Variants in NAV3 observed in about 807,000 individuals in gnomAD.
NAV3 encodes neuron navigator 3, also known as pore membrane and/or filament interacting like protein 1.
A neutral mutation model predicts 244.7 loss-of-function variants in NAV3; 87 were observed. That is an observed-to-expected ratio of 0.36 (90% confidence interval 0.30 to 0.42). NAV3 has a LOEUF of 0.42. Ranked by LOEUF, NAV3 falls within the 20% of genes least tolerant of loss-of-function variation. The probability of loss-of-function intolerance (pLI) is 1.00; values close to 1 mark genes in which losing one functional copy is unlikely to be tolerated. For synonymous variants in NAV3, 1,126 were observed against 1,042.2 expected (o/e 1.08, Z -1.55); for missense variants, 2,663 against 2,893.3 (o/e 0.92, Z 1.83).
intron 2 of NAV3, among the ~76,000 whole-genome samples, chr12:77,642,970 G>T (rs1227351011): frequency 6.6e-6 from 1 of 151,904 alleles, no homozygotes; most frequent in South Asian, 2.1e-4. Context: ...ATAACCTCTT[G>T]TAATTTTTCC....
At chr12:77,788,720 C>T (rs1871025792) in intron 2 of NAV3, among the ~76,000 whole-genome samples, 1 of 151,402 alleles carries the variant, frequency 6.6e-6, no homozygotes, top group African/African-American at 2.4e-5. Context: ...AGATTCCAGG[C>T]ATGAGTACTG....
chr12:78,209,873 T>A (rs1482131026), intron 39 of NAV3, among the ~76,000 whole-genome samples: 1 of 152,226 alleles, frequency 6.6e-6, no homozygotes, highest in Non-Finnish European at 1.5e-5. Context: ...CTTCATTCAG[T>A]CACCTCCTCC....
At chr12:77,923,451 T>C (rs1310201818) in intron 1 of NAV3, among the ~76,000 whole-genome samples, 1 of 152,102 alleles carries the variant, frequency 6.6e-6, no homozygotes, top group African/African-American at 2.4e-5. Flanking sequence ...TTACTGAAAT[T>C]TGGAAACATC....
chr12:77,665,461 T>C (rs1412994480), intron 2 of NAV3, among the ~76,000 whole-genome samples: 1 of 152,214 alleles, frequency 6.6e-6, no homozygotes, highest in Non-Finnish European at 1.5e-5. Context: ...TAAAAAGTTA[T>C]GCTTTCCAAA....
intron 9 of NAV3, among the ~76,000 whole-genome samples, chr12:78,049,304 C>T (rs1882367345): frequency 6.6e-6 from 1 of 152,118 alleles, no homozygotes; most frequent in Non-Finnish European, 1.5e-5. Context: ...GGTGTCTGCC[C>T]AGTTTTGTGC....
chr12:78,155,730 T>C (rs1282887127), intron 22 of NAV3, among the ~76,000 whole-genome samples: 1 of 152,228 alleles, frequency 6.6e-6, no homozygotes, highest in African/African-American at 2.4e-5. Context: ...TGGTATCTCA[T>C]TGTGGTTTTG....
At chr12:77,772,479 A>G (rs930234256) in intron 2 of NAV3, among the ~76,000 whole-genome samples, 1 of 152,188 alleles carries the variant, frequency 6.6e-6, no homozygotes, top group Non-Finnish European at 1.5e-5. Flanking sequence ...CATGCTCAGA[A>G]TTAAATTCAT....
At chr12:78,183,210 T>C (rs1402576353) in intron 30 of NAV3, among the ~76,000 whole-genome samples, 1 of 151,908 alleles carries the variant, frequency 6.6e-6, no homozygotes, top group Non-Finnish European at 1.5e-5. Context: ...GGCTCTCACA[T>C]TAATCTTGCT....
At chr12:77,731,874 G>A (rs1249769325) in intron 2 of NAV3, among the ~76,000 whole-genome samples, 1 of 151,926 alleles carries the variant, frequency 6.6e-6, no homozygotes, top group Non-Finnish European at 1.5e-5. Context: ...TAGCACAATT[G>A]CAGCAAGACT....
chr12:77,936,679 A>G (rs1057463003), intron 1 of NAV3, among the ~76,000 whole-genome samples: 16 of 152,190 alleles, frequency 1.1e-4, no homozygotes, highest in Admixed American at 1.0e-3. Context: ...TTTTGTGATA[A>G]TGAACTGAGG....
intron 33 of NAV3, 27 bp from the exon 34 acceptor site, chr12:78,189,957 A>G (rs901012556): frequency 2.0e-6 from 3 of 1,522,582 alleles, no homozygotes; most frequent in Non-Finnish European, 2.7e-6. Flanking sequence ...ACAATAAATC[A>G]TGCTATTTTT....
At chr12:78,114,353 T>C (rs1955260439) in intron 12 of NAV3, among the ~76,000 whole-genome samples, 2 of 152,186 alleles carry the variant, frequency 1.3e-5, no homozygotes, top group African/African-American at 4.8e-5. Context: ...CAATTTACCA[T>C]ATCCATTTAT....
At chr12:77,746,298 A>G (rs1228222624) in intron 2 of NAV3, among the ~76,000 whole-genome samples, 2 of 152,072 alleles carry the variant, frequency 1.3e-5, no homozygotes, top group East Asian at 1.9e-4. Context: ...ACAATACACA[A>G]ATGTATTAAC....
intron 2 of NAV3, among the ~76,000 whole-genome samples, chr12:77,718,350 G>A (rs1876457660): frequency 6.6e-6 from 1 of 152,010 alleles, no homozygotes; most frequent in Non-Finnish European, 1.5e-5. Context: ...CCATTATGTA[G>A]CCTTGAGACC....
intron 2 of NAV3, among the ~76,000 whole-genome samples, chr12:77,700,738 G>C (rs1202411636): frequency 6.6e-6 from 1 of 151,792 alleles, no homozygotes; most frequent in African/African-American, 2.4e-5. Flanking sequence ...TGTTCTTATT[G>C]AGAGTTTTTA....
At position 78,156,340 on chromosome 12, in the gene NAV3, T is replaced by A. The variant is rs950365808; in HGVS notation, c.4786-2863T>A. Among the ~76,000 whole-genome samples, 43 of 152,116 alleles carry A rather than the reference T, an allele frequency of 2.8e-4. 1 individual carries two copies. Among genetic ancestry groups the A allele is most frequent in the Non-Finnish European group, 8.8e-5 (6 of 68,008 alleles). On this transcript the variant is annotated intron_variant, in intron 22 of 39. Coordinates refer to ENST00000397909, the MANE Select transcript of NAV3 (RefSeq NM_001024383.2). ...TTCACTAACATAATCATAACATACA[T>A]TTCATTGAAAACAACACGACTCAAA...
At chr12:77,677,188 G>C (rs561901467) in intron 2 of NAV3, among the ~76,000 whole-genome samples, 1 of 152,284 alleles carries the variant, frequency 6.6e-6, no homozygotes, top group South Asian at 2.1e-4. Context: ...ATTCACTTAT[G>C]CAACAAATAT....
chr12:77,756,242 G>A (rs972660570), intron 2 of NAV3, among the ~76,000 whole-genome samples: 1 of 152,060 alleles, frequency 6.6e-6, no homozygotes, highest in Non-Finnish European at 1.5e-5. Flanking sequence ...AAAAGCAAGT[G>A]TTTATAGAAA....
In NAV3 at chr12:77,760,602, T is replaced by C. The variant is rs576467429; in HGVS notation, c.73-179717T>C. Among the ~76,000 whole-genome samples, 124 of 152,298 alleles carry C rather than the reference T, an allele frequency of 8.1e-4. 1 individual carries two copies. The highest frequency in any genetic ancestry group is 2.7e-3 in the African/African-American group (112 of 41,574). ...CATTGTGAAGAAGTTGCATTGAAAATGAACTCCATTTTGGATGAAATTCTT... is the reference window on the plus strand; with the variant it reads ...CATTGTGAAGAAGTTGCATTGAAAACGAACTCCATTTTGGATGAAATTCTT... On this transcript the variant is annotated intron_variant, in intron 2 of 8. Transcript: ENST00000550042.
Sources: gnomAD v4.1 joint callset for allele counts (sites outside exome capture counted in the v4.1 genomes callset) on GRCh38, gnomAD v4.1.1 for gene constraint, MANE v1.5 for transcripts, NCBI Gene and HGNC (gene_info 2026-07-23, HGNC 2026-07-21) for gene names.